APBA2: variants seen among roughly 807,000 people sequenced by gnomAD.
APBA2 encodes the protein amyloid beta precursor protein binding family A member 2.
Under a neutral mutation model 75.0 loss-of-function variants are expected in APBA2, and 30 were observed. That is an observed-to-expected ratio of 0.40 (90% CI 0.30 to 0.54). The LOEUF (loss-of-function observed/expected upper bound fraction) is 0.54. Among genes scored for constraint, APBA2 ranks in the 20% least tolerant of loss-of-function variants. The probability of loss-of-function intolerance (pLI) is 0.49; values close to 1 mark genes in which losing one functional copy is unlikely to be tolerated. For missense variants in APBA2, 801 were observed against 1,016.1 expected (o/e 0.79, Z 2.88); for synonymous variants, 444 against 409.6 (o/e 1.08, Z -1.01).
chr15:29,062,478 AAGCTCAGGGCC>A (rs1385111754), intron 4 of APBA2, among the ~76,000 whole-genome samples: 6 of 152,236 alleles, frequency 3.9e-5, no homozygotes, highest in African/African-American at 1.4e-4. Flanking sequence ...TGATGTTCAG[AAGCTCAGGGCC>A]CATTTGCTGA....
In APBA2 at chr15:29,106,511, G is replaced by A. The variant is rs1449738127; in HGVS notation, c.1705-96G>A. On this transcript the variant is annotated intron_variant, in intron 11 of 14. Coordinates refer to ENST00000683413, the MANE Select transcript of APBA2 (RefSeq NM_001353788.2). ...CTTGGATCCCAGGGCAGGGCGGGATGTGCCAGGACAGGGTCAGCCTCATCC... is the reference window on the plus strand; with the variant it reads ...CTTGGATCCCAGGGCAGGGCGGGATATGCCAGGACAGGGTCAGCCTCATCC... 24 of 1,377,364 alleles carry A rather than the reference G, an allele frequency of 1.7e-5. No individual in the cohort carries two copies. The Admixed American group carries it at 1.9e-4, about 11-fold the overall frequency. The allele number at this position is 1,377,364 out of a possible 1,614,324, so 85.3% of individuals were successfully genotyped here.
chr15:29,045,100 TCTC>T lies in APBA2; in HGVS notation c.-40-8744_-40-8742del, dbSNP rs879430511. Among the ~76,000 whole-genome samples, 819 of 140,756 alleles carry T rather than the reference TCTC, an allele frequency of 5.8e-3. 7 individuals carry two copies. The highest frequency in any genetic ancestry group is 0.028 in the Middle Eastern group (8 of 282). 92.3% of individuals were successfully genotyped at this position (140,756 alleles called of 152,430 possible). A position where few individuals can be genotyped will look rare whatever the true frequency, so the allele number is the denominator to read the frequency against. On this transcript the variant is annotated intron_variant, in intron 3 of 14. Transcript: ENST00000683413. Reference sequence around the variant, plus strand: ...CTCTCTCTCTCTCTCTCTCTCTCTCTCTCGTCTCGCACTGTCACCTGGGCTGGA... The same window carrying T: ...CTCTCTCTCTCTCTCTCTCTCTCTCTGTCTCGCACTGTCACCTGGGCTGGA...
At chr15:28,906,214 T>A (rs2033126027) in intron 1 of APBA2, among the ~76,000 whole-genome samples, 1 of 152,180 alleles carries the variant, frequency 6.6e-6, no homozygotes, top group Non-Finnish European at 1.5e-5. Context: ...TTACTTTAAG[T>A]TCTGGAATAC....
chr15:29,112,822 C>T (rs2044808283), intron 13 of APBA2, among the ~76,000 whole-genome samples: 1 of 152,156 alleles, frequency 6.6e-6, no homozygotes, highest in Non-Finnish European at 1.5e-5. Context: ...TTCCTCCTCC[C>T]CAACAGGAAC....
At chr15:28,894,049 G>A (rs1481021789) in intron 1 of APBA2, 5 of 152,170 alleles carry the variant, frequency 3.3e-5, no homozygotes, top group African/African-American at 1.2e-4. Flanking sequence ...AACTCCGTAC[G>A]TGTTACTCCT....
chr15:29,072,167 T>C (rs1280011110), intron 4 of APBA2, among the ~76,000 whole-genome samples: 2 of 152,200 alleles, frequency 1.3e-5, no homozygotes, highest in African/African-American at 4.8e-5. Context: ...GGGATGTTGT[T>C]AACCTGATTT....
At chr15:29,065,563 C>CA (rs1235504736) in intron 4 of APBA2, among the ~76,000 whole-genome samples, 1 of 152,156 alleles carries the variant, frequency 6.6e-6, no homozygotes, top group East Asian at 1.9e-4. Context: ...ACGCACAACT[C>CA]AGACATGTGG....
chr15:28,977,314 G>A (rs1017040936), intron 2 of APBA2: 1 of 152,012 alleles, frequency 6.6e-6, no homozygotes, highest in African/African-American at 2.4e-5. Context: ...ATTCATGAGG[G>A]CCTAATTTCT....
At chr15:28,951,879 GC>G (rs2035900031) in intron 2 of APBA2, among the ~76,000 whole-genome samples, 1 of 125,388 alleles carries the variant, frequency 8.0e-6, no homozygotes, top group South Asian at 2.8e-4. Flanking sequence ...ACTGCACTCA[GC>G]CTTTTTTTTT....
chr15:29,063,486 T>A (rs1053174199), intron 4 of APBA2, among the ~76,000 whole-genome samples: 1 of 111,550 alleles, frequency 9.0e-6, no homozygotes, highest in Non-Finnish European at 1.8e-5. Flanking sequence ...TCTGGGTCAG[T>A]GTCTGTATGG....
intron 2 of APBA2, among the ~76,000 whole-genome samples, chr15:28,956,382 C>T (rs559756258): frequency 6.6e-6 from 1 of 151,998 alleles, no homozygotes; most frequent in Non-Finnish European, 1.5e-5. Context: ...TGAGGAAAGG[C>T]GTGGAGGCTG....
At chr15:29,040,770 T>A (rs2040996994) in intron 3 of APBA2, among the ~76,000 whole-genome samples, 1 of 152,202 alleles carries the variant, frequency 6.6e-6, no homozygotes, top group Non-Finnish European at 1.5e-5. Flanking sequence ...ATTAAAGCGA[T>A]CTGGGATGCA....
chr15:28,918,512 G>C lies in APBA2; in HGVS notation c.-204-3128G>C, dbSNP rs1171551824. On this transcript the variant is annotated intron_variant, in intron 1 of 14. Coordinates refer to ENST00000683413, the MANE Select transcript of APBA2 (RefSeq NM_001353788.2). The surrounding 1 kb of genome is among the most constrained non-coding windows in gnomAD (Gnocchi z 4.2). ...CCCCACTGCAAGGAGGAATCCCGGT[G>C]CTCTTCTCCACCAGCCTTCCCTTTG... 6.6e-6 allele frequency among the ~76,000 whole-genome samples: 1 copy of C among 152,146 alleles called. No individual in the cohort carries two copies. The highest frequency in any genetic ancestry group is 1.5e-5 in the Non-Finnish European group (1 of 68,024).
chr15:28,986,026 G>A (rs556881125), intron 2 of APBA2, among the ~76,000 whole-genome samples: 45 of 152,282 alleles, frequency 3.0e-4, no homozygotes, highest in African/African-American at 1.0e-3. Flanking sequence ...ACAAGCATAT[G>A]CTTGTTTGGC....
intron 6 of APBA2, among the ~76,000 whole-genome samples, chr15:29,081,090 C>A (rs557929899): frequency 1.3e-5 from 2 of 152,180 alleles, no homozygotes; most frequent in Non-Finnish European, 2.9e-5. Context: ...CCTATCACCC[C>A]TTCCTTCTCT....
chr15:28,984,780 TG>T (rs953349541), intron 2 of APBA2, among the ~76,000 whole-genome samples: 1 of 149,750 alleles, frequency 6.7e-6, no homozygotes, highest in Non-Finnish European at 1.5e-5. Flanking sequence ...CTGCCATCTC[TG>T]GAGTTTGGGG....
intron 2 of APBA2, among the ~76,000 whole-genome samples, chr15:28,932,704 A>G (rs2034627170): frequency 6.6e-6 from 1 of 152,166 alleles, no homozygotes; most frequent in South Asian, 2.1e-4. Flanking sequence ...GCCAGGTCCC[A>G]TCGTGGCTCC....
intron 8 of APBA2, 62 bp from the exon 9 acceptor site, chr15:29,098,428 T>C (rs1366578350): frequency 2.1e-5 from 24 of 1,167,098 alleles, no homozygotes; most frequent in Non-Finnish European, 3.1e-5. Context: ...CATAATGCTA[T>C]TTGCATGTCC....
intron 6 of APBA2, among the ~76,000 whole-genome samples, chr15:29,087,252 G>A (rs570885776): frequency 1.3e-5 from 2 of 151,302 alleles, no homozygotes; most frequent in East Asian, 1.9e-4. Flanking sequence ...TCCCATTTTT[G>A]CCATTTTTTT....
Sources: allele counts gnomAD v4.1 joint callset (sites outside exome capture counted in the v4.1 genomes callset), GRCh38; gene constraint gnomAD v4.1.1; non-coding constraint Gnocchi (gnomAD v3.1); transcripts MANE v1.5; gene names NCBI Gene and HGNC (gene_info 2026-07-23, HGNC 2026-07-21).